Variants in ZGRF1 observed in about 807,000 individuals in gnomAD.
ZGRF1 encodes 5'-3' DNA helicase ZGRF1.
In ZGRF1, 196 loss-of-function variants were observed where a neutral mutation model predicts 203.5. The ratio of observed to expected loss-of-function variants is 0.96; its 90% CI spans 0.86 to 1.08. The LOEUF (loss-of-function observed/expected upper bound fraction) is 1.08. ZGRF1 is among the 50% of genes least tolerant of loss of function. The pLI is 0.00. For synonymous variants in ZGRF1, 809 were observed against 841.3 expected (o/e 0.96, Z 0.66); for missense variants, 2,326 against 2,416.3 (o/e 0.96, Z 0.78).
Position 112,551,160 on chromosome 4 carries a change from T to C in ZGRF1, c.5346+2675A>G, listed in dbSNP as rs149029152. 1.1e-3 allele frequency among the ~76,000 whole-genome samples: 171 copies of C among 152,336 alleles called. 1 individual carries two copies. The highest frequency in any genetic ancestry group is 3.9e-3 in the African/African-American group (164 of 41,578). On this transcript the variant is annotated intron_variant, in intron 22 of 27. Coordinates refer to ENST00000505019, the MANE Select transcript of ZGRF1 (RefSeq NM_018392.5). ...TACATTTTCTGTTTAGATACAGAAA[T>C]ACCACCATGTTACAATTAAATGCCT...
intron 24 of ZGRF1, chr4:112,546,687 G>A (rs1449204340): frequency 6.6e-6 from 1 of 152,174 alleles, no homozygotes; most frequent in East Asian, 1.9e-4. Flanking sequence ...ATATGTGTGT[G>A]GGTTAATGGA....
intron 6 of ZGRF1, among the ~76,000 whole-genome samples, chr4:112,613,176 C>A (rs952444965): frequency 6.6e-6 from 1 of 152,132 alleles, no homozygotes; most frequent in Non-Finnish European, 1.5e-5. Context: ...CAACTATAAT[C>A]CCAGCTACTC....
At chr4:112,633,798 G>GTGA (rs2047491002) in intron 1 of ZGRF1, among the ~76,000 whole-genome samples, 1 of 152,166 alleles carries the variant, frequency 6.6e-6, no homozygotes, top group African/African-American at 2.4e-5. Flanking sequence ...ATCACTGATG[G>GTGA]TGATCCCTGA....
At position 112,606,080 on chromosome 4, in the gene ZGRF1, C is replaced by T. The variant is rs755832693; in HGVS notation, c.2730G>A (p.Ser910=). ...GAAAAGCAGTCTCTTCTTTACTTCC[C>T]GAGGAAGAGAACTAGGATAAAATAT... is the stretch of plus-strand genomic sequence containing the variant. ...EPLQSVQFSS[S]GSKEETAFQA... is the part of the protein sequence containing the mutation. Residue 910 remains serine, a synonymous_variant, in exon 9 of 28, where the codon TCG becomes TCA. Transcript: ENST00000505019. 13 of 1,586,550 alleles carry T rather than the reference C, an allele frequency of 8.2e-6. No homozygotes were observed. The highest frequency in any genetic ancestry group is 2.3e-5 in the South Asian group (2 of 87,598).
At chr4:112,609,154 T>C (rs1751209556) in intron 8 of ZGRF1, among the ~76,000 whole-genome samples, 1 of 151,736 alleles carries the variant, frequency 6.6e-6, no homozygotes, top group African/African-American at 2.4e-5. Flanking sequence ...CCCGGGTTCA[T>C]GCCATTCTCC....
At chr4:112,589,996 T>C (rs1247919730) in intron 10 of ZGRF1, 122 bp from the exon 11 acceptor site, 5 of 618,796 alleles carry the variant, frequency 8.1e-6, no homozygotes, top group Admixed American at 6.8e-5. Flanking sequence ...TGTAGAGCTA[T>C]GGTGGGGGCA....
Position 112,586,595 on chromosome 4 carries a change from T to A in ZGRF1, c.3778-12A>T. 1 of 1,582,986 alleles carries A rather than the reference T, an allele frequency of 6.3e-7. No individual in the cohort carries two copies. The highest frequency in any genetic ancestry group is 8.6e-7 in the Non-Finnish European group (1 of 1,162,640). ...GAGCCACTTATCTCCTGCAATGGAA[T>A]AATTCAAGTTATCATAGCAACTCCA... is the stretch of plus-strand genomic sequence containing the variant. On this transcript the variant is annotated splice_polypyrimidine_tract_variant and intron_variant, in intron 12 of 27. Transcript: ENST00000505019.
chr4:112,540,779 A>T lies in ZGRF1; in HGVS notation c.5910+42T>A, dbSNP rs954578536. ...ATCAAATATGGTAATATGTAATTGTAATATTTAATATATGGCAAATACTGT... is the reference window on the plus strand; with the variant it reads ...ATCAAATATGGTAATATGTAATTGTTATATTTAATATATGGCAAATACTGT... On this transcript the variant is annotated intron_variant, in intron 26 of 27. Coordinates refer to ENST00000505019, the MANE Select transcript of ZGRF1 (RefSeq NM_018392.5). 9.6e-6 allele frequency: 14 copies of T among 1,457,838 alleles called. No individual in the cohort carries two copies. The Admixed American group carries it at 2.8e-4, about 30-fold the overall frequency. The allele number at this position is 1,457,838 out of a possible 1,614,324, so 90.3% of individuals were successfully genotyped here. A position where few individuals can be genotyped will look rare whatever the true frequency, so the allele number is the denominator to read the frequency against.
At chr4:112,568,693 G>A (rs560253592) in intron 16 of ZGRF1, among the ~76,000 whole-genome samples, 3 of 120,260 alleles carry the variant, frequency 2.5e-5, no homozygotes, top group Admixed American at 1.0e-4. Flanking sequence ...CCCGGGTGAC[G>A]AGAGTGAAAC....
intron 22 of ZGRF1, among the ~76,000 whole-genome samples, chr4:112,550,117 G>C (rs1365749219): frequency 6.6e-6 from 1 of 151,942 alleles, no homozygotes; most frequent in South Asian, 2.1e-4. Context: ...GCGTGAACCC[G>C]GGAGGCAGAG....
At chr4:112,542,014 C>T (rs976461928) in intron 24 of ZGRF1, among the ~76,000 whole-genome samples, 1 of 152,154 alleles carries the variant, frequency 6.6e-6, no homozygotes, top group Non-Finnish European at 1.5e-5. Flanking sequence ...GTCCTATCTA[C>T]TTTAACGCTC....
intron 2 of ZGRF1, 29 bp from the exon 3 acceptor site, chr4:112,632,039 T>C (rs373643812): frequency 2.7e-6 from 3 of 1,122,584 alleles, no homozygotes; most frequent in Admixed American, 2.4e-5. Flanking sequence ...AAAGAAATGG[T>C]TTCCATTTAT....
chr4:112,575,752 G>A (rs1379330958), intron 16 of ZGRF1, among the ~76,000 whole-genome samples: 1 of 152,238 alleles, frequency 6.6e-6, no homozygotes, highest in African/African-American at 2.4e-5. Flanking sequence ...CCATTGCAGA[G>A]GCTTGAGTAG....
intron 24 of ZGRF1, among the ~76,000 whole-genome samples, chr4:112,543,198 T>C (rs1421499488): frequency 6.6e-6 from 1 of 152,130 alleles, no homozygotes; most frequent in Admixed American, 6.6e-5. Context: ...TTAGATAAAA[T>C]ATGACATATA....
At chr4:112,614,652 C>T (rs963711105) in intron 6 of ZGRF1, among the ~76,000 whole-genome samples, 17 of 152,130 alleles carry the variant, frequency 1.1e-4, no homozygotes, top group African/African-American at 4.1e-4. Context: ...TAGCGAAACC[C>T]CGTCTCTAAT....
intron 24 of ZGRF1, 148 bp from the exon 25 acceptor site, chr4:112,541,416 AT>A (rs1355914482): frequency 5.4e-6 from 2 of 368,328 alleles, no homozygotes; most frequent in Non-Finnish European, 9.5e-6. Flanking sequence ...AAATAAAAAT[AT>A]TTTTTAAATT....
intron 6 of ZGRF1, among the ~76,000 whole-genome samples, chr4:112,614,924 A>G (rs2087111): frequency 0.61 from 91,951 of 151,980 alleles, 28,562 homozygotes; most frequent in East Asian, 0.95. Context: ...TGTTAGGTAC[A>G]TTTTTTATAG....
At chr4:112,619,960 A>G (rs551665563) in intron 5 of ZGRF1, 42 bp downstream of exon 5, 18 of 1,433,262 alleles carry the variant, frequency 1.3e-5, no homozygotes, top group South Asian at 7.4e-5. Flanking sequence ...AGACAATTTT[A>G]TAAATATATT....
intron 6 of ZGRF1, among the ~76,000 whole-genome samples, chr4:112,615,522 C>T (rs2046836803): frequency 6.6e-6 from 1 of 151,990 alleles, no homozygotes; most frequent in African/African-American, 2.4e-5. Context: ...CCACACCTGG[C>T]CTTCAAAACT....
Sources: gnomAD v4.1 joint callset for allele counts (sites outside exome capture counted in the v4.1 genomes callset) on GRCh38, gnomAD v4.1.1 for gene constraint, MANE v1.5 for transcripts, NCBI Gene and HGNC (gene_info 2026-07-23, HGNC 2026-07-21) for gene names.